Variants in MYO1D observed in about 807,000 individuals in gnomAD.
MYO1D encodes the protein unconventional myosin-Id.
A neutral mutation model predicts 122.0 loss-of-function variants in MYO1D; 83 were observed. The ratio of observed to expected loss-of-function variants is 0.68; its 90% confidence interval spans 0.57 to 0.82. The LOEUF (loss-of-function observed/expected upper bound fraction) is 0.82, where lower values mean the gene tolerates loss of function less well. MYO1D is among the 40% of genes least tolerant of loss of function. The pLI is 0.00. For missense variants in MYO1D, 1,157 were observed against 1,269.5 expected, an observed-to-expected ratio of 0.91 and a Z score of 1.35; for synonymous variants, 464 against 446.9, an observed-to-expected ratio of 1.04 and a Z score of -0.48.
At chr17:32,558,677 G>A (rs560199159) in intron 21 of MYO1D, among the ~76,000 whole-genome samples, 16 of 152,288 alleles carry the variant, frequency 1.1e-4, no homozygotes, top group South Asian at 4.1e-4. Context: ...AACACGCTCC[G>A]TCTCTTCTGC....
At chr17:32,613,748 C>T (rs532112618) in intron 20 of MYO1D, among the ~76,000 whole-genome samples, 1 of 131,570 alleles carries the variant, frequency 7.6e-6, no homozygotes, top group East Asian at 2.3e-4. Context: ...CACTCCAGCA[C>T]TCCAGCACTC....
intron 21 of MYO1D, among the ~76,000 whole-genome samples, chr17:32,585,250 C>T (rs540270426): frequency 6.6e-6 from 1 of 151,798 alleles, no homozygotes; most frequent in African/African-American, 2.4e-5. Flanking sequence ...TCTTCTTATA[C>T]CCTCAGATTC....
chr17:32,602,729 G>A (rs1211586599), intron 21 of MYO1D: 2 of 152,074 alleles, frequency 1.3e-5, no homozygotes, highest in Non-Finnish European at 2.9e-5. Context: ...ATGTACTTTA[G>A]GGAAATTATC....
At chr17:32,577,238 G>C (rs2087287214) in intron 21 of MYO1D, among the ~76,000 whole-genome samples, 1 of 142,212 alleles carries the variant, frequency 7.0e-6, no homozygotes, top group African/African-American at 2.5e-5. Flanking sequence ...GCGACAGAGT[G>C]GGACTCAGTC....
intron 1 of MYO1D, among the ~76,000 whole-genome samples, chr17:32,848,152 T>C (rs1286648141): frequency 6.6e-6 from 1 of 152,238 alleles, no homozygotes; most frequent in Admixed American, 6.5e-5. Context: ...ATTTAAGATA[T>C]GACTCCTGGA....
At chr17:32,585,806 A>T (rs897919046) in intron 21 of MYO1D, among the ~76,000 whole-genome samples, 2 of 151,884 alleles carry the variant, frequency 1.3e-5, no homozygotes, top group Non-Finnish European at 2.9e-5. Context: ...TGTTTAAATA[A>T]TTTTTTCTGG....
intron 1 of MYO1D, among the ~76,000 whole-genome samples, chr17:32,861,419 C>G (rs180879056): frequency 6.6e-6 from 1 of 152,000 alleles, no homozygotes; most frequent in Admixed American, 6.6e-5. Flanking sequence ...AAATCTGCAC[C>G]CTATTCACGA....
intron 21 of MYO1D, among the ~76,000 whole-genome samples, chr17:32,573,416 T>C (rs1211140345): frequency 6.6e-6 from 1 of 152,226 alleles, no homozygotes; most frequent in Non-Finnish European, 1.5e-5. Flanking sequence ...CCTTTGACTC[T>C]CATGTCTTCT....
intron 19 of MYO1D, among the ~76,000 whole-genome samples, chr17:32,640,675 A>G: frequency 6.6e-6 from 1 of 151,030 alleles, no homozygotes; most frequent in Non-Finnish European, 1.5e-5. Flanking sequence ...TTATGGCTGC[A>G]TAGTATTCCA....
Position 32,653,941 on chromosome 17 carries a change from C to G in MYO1D, c.2497G>C (p.Asp833His), listed in dbSNP as rs2088435855. 4 of 1,611,560 alleles carry G rather than the reference C, an allele frequency of 2.5e-6. No individual in the cohort carries two copies. The East Asian group carries it at 8.9e-5, about 36-fold the overall frequency. The change falls in exon 19 of 22, where the codon GAT becomes CAT. Residue 833 changes from aspartate to histidine, a missense_variant. Coordinates refer to ENST00000318217, the MANE Select transcript of MYO1D (RefSeq NM_015194.3). The stretch of plus-strand genomic sequence containing the variant: ...AAAGTGCCTGAGGTCTGAGGTGTAT[C>G]TGGCTTCTGAAAGAGAAAGGAAACA... ...WEGNYLASKP[D>H]TPQTSGTFVP... is the part of the protein sequence containing the mutation.
At chr17:32,713,676 T>C (rs2089407212) in intron 15 of MYO1D, among the ~76,000 whole-genome samples, 1 of 152,088 alleles carries the variant, frequency 6.6e-6, no homozygotes, top group African/African-American at 2.4e-5. Flanking sequence ...GCTCTATCTA[T>C]GAGTGCAGTG....
intron 1 of MYO1D, chr17:32,862,988 T>C (rs980560921): frequency 1.5e-4 from 23 of 152,324 alleles, no homozygotes; most frequent in African/African-American, 4.8e-4. Flanking sequence ...TGGGTGATCA[T>C]GACACAAAGC....
At chr17:32,715,124 G>A (rs1240852882) in intron 15 of MYO1D, among the ~76,000 whole-genome samples, 3 of 152,090 alleles carry the variant, frequency 2.0e-5, no homozygotes, top group African/African-American at 4.8e-5. Flanking sequence ...AACATCTCAC[G>A]TCAGTCAGAA....
intron 1 of MYO1D, among the ~76,000 whole-genome samples, chr17:32,828,968 T>C (rs976192858): frequency 1.3e-5 from 2 of 152,186 alleles, no homozygotes; most frequent in African/African-American, 4.8e-5. Context: ...AGGCAGACCT[T>C]GGGTCTGACT....
intron 7 of MYO1D, among the ~76,000 whole-genome samples, chr17:32,765,288 T>TA (rs2151019298): frequency 6.6e-6 from 1 of 152,332 alleles, no homozygotes; most frequent in South Asian, 2.1e-4. Context: ...ATGTTTTTGA[T>TA]AGATAAAAGT....
At position 32,668,725 on chromosome 17, in the gene MYO1D, G is replaced by A. The variant is rs1271621807; in HGVS notation, c.2122-9387C>T. Reference sequence around the variant, plus strand: ...TTTTTCTTTTTTTTTTTTTTGAGATGGAGTCTCACTCTGTCGCCCAGGCTG... The same window carrying A: ...TTTTTCTTTTTTTTTTTTTTGAGATAGAGTCTCACTCTGTCGCCCAGGCTG... On this transcript the variant is annotated intron_variant, in intron 16 of 21. Transcript: ENST00000318217. Among the ~76,000 whole-genome samples the A allele has an allele frequency of 2.0e-5, 3 of 147,930 alleles. No homozygotes were observed. In the East Asian group the frequency reaches 5.9e-4, roughly 29 times the overall value.
chr17:32,520,830 C>T (rs1384771278), intron 21 of MYO1D, among the ~76,000 whole-genome samples: 3 of 152,220 alleles, frequency 2.0e-5, no homozygotes, highest in Admixed American at 6.5e-5. Flanking sequence ...AAATAATACG[C>T]GTGAACTGCT....
chr17:32,767,612 A>C lies in MYO1D; in HGVS notation c.831+24T>G, dbSNP rs758882010. ...TCCTGTTCTCAGCAGAAGACAATAC[A>C]TTCTGAGAGGTGTCCCTACTCACCA... On this transcript the variant is annotated intron_variant, in intron 7 of 21. Coordinates refer to ENST00000318217, the MANE Select transcript of MYO1D (RefSeq NM_015194.3). The C allele has an allele frequency of 7.6e-6, 11 of 1,455,026 alleles. 1 individual carries two copies. The South Asian group carries it at 1.3e-4, about 17-fold the overall frequency. 90.1% of individuals were successfully genotyped at this position (1,455,026 alleles called of 1,614,324 possible).
intron 21 of MYO1D, among the ~76,000 whole-genome samples, chr17:32,601,846 T>C (rs1324421780): frequency 2.0e-5 from 3 of 152,192 alleles, no homozygotes; most frequent in Admixed American, 1.3e-4. Context: ...TTATTAAAGA[T>C]TGTCTTCAAA....
Sources: allele counts gnomAD v4.1 joint callset (sites outside exome capture counted in the v4.1 genomes callset), GRCh38; gene constraint gnomAD v4.1.1; transcripts MANE v1.5; gene names NCBI Gene and HGNC (gene_info 2026-07-23, HGNC 2026-07-21).